TAFA1: variants seen among roughly 807,000 people sequenced by gnomAD.
TAFA1 encodes TAFA chemokine like family member 1.
Under a neutral mutation model 18.5 loss-of-function variants are expected in TAFA1, and 4 were observed. The ratio of observed to expected loss-of-function variants is 0.22; its 90% CI spans 0.11 to 0.49. The LOEUF (loss-of-function observed/expected upper bound fraction) is 0.49, where lower values mean the gene tolerates loss of function less well. Among genes scored for constraint, TAFA1 ranks in the 20% least tolerant of loss-of-function variants. The probability of loss-of-function intolerance (pLI) is 0.98; values close to 1 mark genes in which losing one functional copy is unlikely to be tolerated. For missense variants in TAFA1, 147 were observed against 169.0 expected, an observed-to-expected ratio of 0.87 and a Z score of 0.72; for synonymous variants, 56 against 55.2, an observed-to-expected ratio of 1.01 and a Z score of -0.06.
intron 3 of TAFA1, among the ~76,000 whole-genome samples, chr3:68,460,311 G>A (rs1039146752): frequency 3.9e-5 from 6 of 152,026 alleles, no homozygotes; most frequent in African/African-American, 9.7e-5. Context: ...AGGTCCTCTC[G>A]TCTTACCTCA....
At chr3:68,462,920 T>G (rs2071813097) in intron 3 of TAFA1, among the ~76,000 whole-genome samples, 1 of 152,216 alleles carries the variant, frequency 6.6e-6, no homozygotes, top group African/African-American at 2.4e-5. Context: ...TGTTTACCAT[T>G]TAGTGAATTC....
chr3:68,378,577 CTT>C (rs2069866402), intron 2 of TAFA1, among the ~76,000 whole-genome samples: 1 of 152,120 alleles, frequency 6.6e-6, no homozygotes, highest in South Asian at 2.1e-4. Context: ...TGAGTTAAGA[CTT>C]TGAGGACTGT....
chr3:68,169,611 T>A (rs59877590), intron 2 of TAFA1, among the ~76,000 whole-genome samples: 1 of 152,358 alleles, frequency 6.6e-6, no homozygotes, highest in East Asian at 1.9e-4. Flanking sequence ...AAATAATGAA[T>A]GTAGAATTCT....
chr3:68,346,557 A>G (rs913100450), intron 2 of TAFA1, among the ~76,000 whole-genome samples: 11 of 152,212 alleles, frequency 7.2e-5, no homozygotes, highest in African/African-American at 2.7e-4. Flanking sequence ...TTAAAGCAAC[A>G]GTATTTGGGA....
chr3:68,275,157 G>A (rs1333700719), intron 2 of TAFA1, among the ~76,000 whole-genome samples: 2 of 152,068 alleles, frequency 1.3e-5, no homozygotes, highest in East Asian at 1.9e-4. Flanking sequence ...GGCAGGTACT[G>A]GGGTGATAGC....
chr3:68,171,631 T>C (rs1480295922), intron 2 of TAFA1, among the ~76,000 whole-genome samples: 1 of 152,192 alleles, frequency 6.6e-6, no homozygotes, highest in African/African-American at 2.4e-5. Context: ...ATGTTGGACT[T>C]ACTATACAAA....
At chr3:68,495,998 CAAAAAAA>C (rs199520960) in intron 3 of TAFA1, among the ~76,000 whole-genome samples, 16 of 107,562 alleles carry the variant, frequency 1.5e-4, no homozygotes, top group African/African-American at 2.4e-4. Flanking sequence ...TTCCCTGAAG[CAAAAAAA>C]AAAAAAAAAA....
At chr3:68,300,615 G>C (rs1337790553) in intron 2 of TAFA1, among the ~76,000 whole-genome samples, 1 of 152,010 alleles carries the variant, frequency 6.6e-6, no homozygotes. Context: ...ATGAGATTTG[G>C]GAGGGGCCAG....
chr3:68,211,079 C>T (rs939355061), intron 2 of TAFA1, among the ~76,000 whole-genome samples: 2 of 151,964 alleles, frequency 1.3e-5, no homozygotes, highest in African/African-American at 4.8e-5. Context: ...CAGCTAGCCT[C>T]CCCCAAGCGA....
chr3:68,082,397 A>G (rs1169358241), intron 2 of TAFA1, among the ~76,000 whole-genome samples: 1 of 152,190 alleles, frequency 6.6e-6, no homozygotes, highest in African/African-American at 2.4e-5. Flanking sequence ...AATTTATAGA[A>G]ACCTTAAATA....
intron 2 of TAFA1, among the ~76,000 whole-genome samples, chr3:68,344,483 T>C (rs1431754094): frequency 6.6e-6 from 1 of 152,156 alleles, no homozygotes; most frequent in Non-Finnish European, 1.5e-5. Flanking sequence ...ATCAAGGAAT[T>C]CCAGAGTACA....
chr3:68,025,662 T>C (rs1704798771), intron 2 of TAFA1, among the ~76,000 whole-genome samples: 2 of 152,124 alleles, frequency 1.3e-5, no homozygotes, highest in South Asian at 4.1e-4. Context: ...TTGCTGGCCC[T>C]TCAAAGATAG....
chr3:68,218,032 A>T (rs1388487784), intron 2 of TAFA1, among the ~76,000 whole-genome samples: 1 of 152,074 alleles, frequency 6.6e-6, no homozygotes, highest in African/African-American at 2.4e-5. Flanking sequence ...AGCACTTCTT[A>T]TGTCTTCAGA....
intron 3 of TAFA1, among the ~76,000 whole-genome samples, chr3:68,494,235 G>A (rs1008311542): frequency 1.3e-5 from 2 of 152,126 alleles, no homozygotes; most frequent in Non-Finnish European, 1.5e-5. Context: ...CCGAGTAGCT[G>A]GGATTACAGG....
rs947063695 is a variant in TAFA1, at chr3:68,410,035, A to G, written c.119-7245A>G. 3.3e-5 allele frequency among the ~76,000 whole-genome samples: 5 copies of G among 152,190 alleles called. No homozygotes were observed. In the East Asian group the frequency reaches 7.7e-4, roughly 23 times the overall value. ...AAGACAGTGATGCATTGAGCTGGGA[A>G]GGAGGCATCCATTGCTAGGAGCATA... On this transcript the variant is annotated intron_variant, in intron 2 of 4. Coordinates refer to ENST00000478136, the MANE Select transcript of TAFA1 (RefSeq NM_213609.4).
intron 2 of TAFA1, among the ~76,000 whole-genome samples, chr3:68,116,495 T>A (rs2065326554): frequency 6.6e-6 from 1 of 152,220 alleles, no homozygotes; most frequent in African/African-American, 2.4e-5. Context: ...TCTCTGTTAT[T>A]CTTTCAATGA....
intron 2 of TAFA1, among the ~76,000 whole-genome samples, chr3:68,214,460 A>G (rs2066631255): frequency 6.6e-6 from 1 of 152,002 alleles, no homozygotes; most frequent in South Asian, 2.1e-4. Flanking sequence ...ATTTGGTGTG[A>G]TTAAGTTCTG....
At chr3:68,255,556 G>A (rs959922849) in intron 2 of TAFA1, among the ~76,000 whole-genome samples, 1 of 152,010 alleles carries the variant, frequency 6.6e-6, no homozygotes, top group Non-Finnish European at 1.5e-5. Context: ...CTGGGATTTG[G>A]AGCTAAATGT....
At chr3:68,237,338 C>G (rs550217105) in intron 2 of TAFA1, among the ~76,000 whole-genome samples, 11 of 152,326 alleles carry the variant, frequency 7.2e-5, no homozygotes, top group African/African-American at 2.4e-4. Flanking sequence ...ATCACCTCCC[C>G]AAGGTTTCAC....
Sources: allele counts gnomAD v4.1 joint callset (sites outside exome capture counted in the v4.1 genomes callset), GRCh38; gene constraint gnomAD v4.1.1; transcripts MANE v1.5; gene names NCBI Gene and HGNC (gene_info 2026-07-23, HGNC 2026-07-21).